Variants in ARHGAP42 observed in about 807,000 individuals in gnomAD.
The protein encoded by ARHGAP42 is rho GTPase-activating protein 42.
A neutral mutation model predicts 125.0 loss-of-function variants in ARHGAP42; 63 were observed. The ratio of observed to expected loss-of-function variants is 0.50; its 90% confidence interval spans 0.41 to 0.62. The LOEUF is 0.62. ARHGAP42 is among the 20% of genes least tolerant of loss of function. ARHGAP42 has a pLI of 0.00. For missense variants in ARHGAP42, 766 were observed against 1,024.2 expected (o/e 0.75, Z 3.44); for synonymous variants, 339 against 351.0 (o/e 0.97, Z 0.38).
At chr11:100,842,681 C>T (rs1745817856) in intron 3 of ARHGAP42, among the ~76,000 whole-genome samples, 1 of 151,950 alleles carries the variant, frequency 6.6e-6, no homozygotes, top group Non-Finnish European at 1.5e-5. Flanking sequence ...CAAAACCATG[C>T]AAATAAATGG....
chr11:100,943,370 A>G (rs1409283440), intron 9 of ARHGAP42, among the ~76,000 whole-genome samples: 2 of 151,998 alleles, frequency 1.3e-5, no homozygotes, highest in African/African-American at 4.8e-5. Flanking sequence ...GTTTTGATTA[A>G]GAGCACCAAA....
At chr11:100,974,741 A>G (rs1181638885) in intron 19 of ARHGAP42, 138 bp downstream of exon 19, 1 of 969,038 alleles carries the variant, frequency 1.0e-6, no homozygotes, top group Non-Finnish European at 1.4e-6. Flanking sequence ...TATCATTTGT[A>G]TATTCTCTGT....
In ARHGAP42 at chr11:100,979,041, T is replaced by C. The variant is rs1858464175; in HGVS notation, c.2448T>C (p.Ser816=). ...FENVGSPKPV[S]SGRQAKAMYS... is the part of the protein sequence containing the mutation. ...ATGTTGGTTCACCTAAACCAGTTTC[T>C]TCTGGGCGGTAAGTTCTCCAAACCC... Residue 816 remains serine, a synonymous_variant, in exon 22 of 24, where the codon TCT becomes TCC. Coordinates refer to ENST00000298815, the MANE Select transcript of ARHGAP42 (RefSeq NM_152432.4). The C allele has an allele frequency of 4.5e-6, 7 of 1,551,462 alleles. No individual in the cohort carries two copies. The East Asian group carries it at 1.7e-4, about 38-fold the overall frequency.
chr11:100,986,342 G>A (rs1858677787), intron 22 of ARHGAP42: 1 of 296,306 alleles, frequency 3.4e-6, no homozygotes. Flanking sequence ...CATGGACATA[G>A]CTGGCCTGAG....
chr11:100,830,725 T>G (rs1416987881), intron 3 of ARHGAP42, among the ~76,000 whole-genome samples: 1 of 151,992 alleles, frequency 6.6e-6, no homozygotes, highest in Non-Finnish European at 1.5e-5. Context: ...TCTATTTGGT[T>G]TAGTGCCAAC....
intron 3 of ARHGAP42, among the ~76,000 whole-genome samples, chr11:100,822,082 C>T (rs1864417946): frequency 1.3e-5 from 2 of 151,996 alleles, no homozygotes; most frequent in Admixed American, 6.6e-5. Flanking sequence ...TTCCATAAGA[C>T]CTAGGTAGGG....
intron 1 of ARHGAP42, among the ~76,000 whole-genome samples, chr11:100,737,391 A>G (rs945219605): frequency 7.9e-5 from 12 of 152,122 alleles, no homozygotes; most frequent in Admixed American, 7.9e-4. Flanking sequence ...GAATGAGACA[A>G]TGCTAGCGTA....
intron 4 of ARHGAP42, among the ~76,000 whole-genome samples, chr11:100,899,178 C>T (rs1866454121): frequency 6.6e-6 from 1 of 152,190 alleles, no homozygotes; most frequent in Non-Finnish European, 1.5e-5. Context: ...ATCCTGAGTT[C>T]TAATTCAATT....
At chr11:100,790,161 G>C (rs1365143593) in intron 2 of ARHGAP42, among the ~76,000 whole-genome samples, 1 of 152,082 alleles carries the variant, frequency 6.6e-6, no homozygotes, top group Admixed American at 6.5e-5. Flanking sequence ...GAATTTAAGC[G>C]TGCTAAAAAG....
intron 3 of ARHGAP42, among the ~76,000 whole-genome samples, chr11:100,846,689 G>T (rs1475477443): frequency 6.6e-6 from 1 of 152,138 alleles, no homozygotes; most frequent in East Asian, 1.9e-4. Context: ...ACTGTGGTCT[G>T]CAGAGTACTG....
At chr11:100,751,699 G>T (rs1295211054) in intron 1 of ARHGAP42, among the ~76,000 whole-genome samples, 2 of 150,546 alleles carry the variant, frequency 1.3e-5, no homozygotes, top group South Asian at 2.1e-4. Context: ...CTCCTACCAG[G>T]CCAGCAGGGA....
At chr11:100,783,004 G>C (rs1490177264) in intron 2 of ARHGAP42, among the ~76,000 whole-genome samples, 1 of 152,100 alleles carries the variant, frequency 6.6e-6, no homozygotes, top group African/African-American at 2.4e-5. Context: ...TCAACTGTGG[G>C]GAGCCTTAGA....
At chr11:100,817,049 G>A (rs1380367504) in intron 3 of ARHGAP42, among the ~76,000 whole-genome samples, 1 of 152,220 alleles carries the variant, frequency 6.6e-6, no homozygotes, top group Non-Finnish European at 1.5e-5. Flanking sequence ...GAATCAGGCT[G>A]TAGGTGGGGA....
intron 3 of ARHGAP42, among the ~76,000 whole-genome samples, chr11:100,837,671 T>A (rs949599473): frequency 1.4e-4 from 13 of 95,428 alleles, no homozygotes; most frequent in Admixed American, 4.1e-4. Context: ...TCATCCTTTT[T>A]TTTTTTTTTT....
At chr11:100,808,235 T>C (rs1055032369) in intron 3 of ARHGAP42, among the ~76,000 whole-genome samples, 1 of 152,196 alleles carries the variant, frequency 6.6e-6, no homozygotes, top group African/African-American at 2.4e-5. Context: ...GTTAGCACAA[T>C]GCTTTTTGTC....
chr11:100,785,630 C>T (rs981840492), intron 2 of ARHGAP42, among the ~76,000 whole-genome samples: 6 of 152,098 alleles, frequency 3.9e-5, no homozygotes, highest in African/African-American at 1.4e-4. Flanking sequence ...ATGCTTCAGC[C>T]TGTGGAATGT....
At chr11:100,851,979 A>T (rs1865214707) in intron 3 of ARHGAP42, among the ~76,000 whole-genome samples, 2 of 152,144 alleles carry the variant, frequency 1.3e-5, no homozygotes, top group Non-Finnish European at 2.9e-5. Flanking sequence ...GGAAGAGATG[A>T]GCACAAAGGT....
intron 1 of ARHGAP42, among the ~76,000 whole-genome samples, chr11:100,739,470 CTTAA>C (rs1862133725): frequency 6.6e-6 from 1 of 152,018 alleles, no homozygotes; most frequent in Non-Finnish European, 1.5e-5. Context: ...TTTTCTTTTC[CTTAA>C]TTGAGTTTCA....
chr11:100,907,026 A>C (rs1175489189), intron 4 of ARHGAP42, among the ~76,000 whole-genome samples: 1 of 152,204 alleles, frequency 6.6e-6, no homozygotes, highest in Non-Finnish European at 1.5e-5. Context: ...GTTGGTTCTT[A>C]GGACACACAT....
Sources: gnomAD v4.1 joint callset for allele counts (sites outside exome capture counted in the v4.1 genomes callset) on GRCh38, gnomAD v4.1.1 for gene constraint, MANE v1.5 for transcripts, NCBI Gene and HGNC (gene_info 2026-07-23, HGNC 2026-07-21) for gene names.